Variants in TXNDC16 observed in about 807,000 individuals in gnomAD.
TXNDC16 encodes thioredoxin domain containing 16.
In TXNDC16, 74 loss-of-function variants were observed where a neutral mutation model predicts 85.6. The ratio of observed to expected loss-of-function variants is 0.86; its 90% confidence interval spans 0.72 to 1.05. The LOEUF (loss-of-function observed/expected upper bound fraction) is 1.05, where lower values mean the gene tolerates loss of function less well. Ranked by LOEUF, TXNDC16 falls within the 50% of genes least tolerant of loss-of-function variation. The pLI is 0.00. For missense variants in TXNDC16, 959 were observed against 947.0 expected (o/e 1.01, Z -0.17); for synonymous variants, 335 against 326.5 (o/e 1.03, Z -0.28).
intron 6 of TXNDC16, among the ~76,000 whole-genome samples, chr14:52,530,985 A>T (rs1031533039): frequency 6.6e-6 from 1 of 152,038 alleles, no homozygotes; most frequent in Non-Finnish European, 1.5e-5. Flanking sequence ...TACAAAACTC[A>T]ACAAGAAAAC....
rs2140132339 is a variant in TXNDC16 at position 52,470,699 on chromosome 14, C to A, written c.1313-19G>T. The A allele has an allele frequency of 6.3e-7, 1 of 1,581,874 alleles. No homozygotes were observed. Among genetic ancestry groups the A allele is most frequent in the Non-Finnish European group, 8.6e-7 (1 of 1,165,618 alleles). On this transcript the variant is annotated intron_variant, in intron 14 of 20. Coordinates refer to ENST00000281741, the MANE Select transcript of TXNDC16 (RefSeq NM_020784.3). Reference sequence around the variant, plus strand: ...GATGTGCCTAAATAAAAGGAAAATGCACATTTGTAATTACTAATTGTAGAA... The same window carrying A: ...GATGTGCCTAAATAAAAGGAAAATGAACATTTGTAATTACTAATTGTAGAA...
At chr14:52,504,421 T>C (rs2036741061) in intron 9 of TXNDC16, among the ~76,000 whole-genome samples, 1 of 152,186 alleles carries the variant, frequency 6.6e-6, no homozygotes, top group African/African-American at 2.4e-5. Context: ...ATATTCAACA[T>C]TCTTAAAGAA....
In TXNDC16 at chr14:52,534,334, T is replaced by C. The variant is rs776791413; in HGVS notation, c.392+2385A>G. On this transcript the variant is annotated intron_variant, in intron 6 of 20. Transcript: ENST00000281741. ...TCCAACCTGTGGCTCATGGGCTGCA[T>C]GCAGCTCAGGACAGCTTTGAATATG... 3.2e-4 allele frequency among the ~76,000 whole-genome samples: 49 copies of C among 152,216 alleles called. 1 individual carries two copies. Among genetic ancestry groups the C allele is most frequent in the Admixed American group, 2.4e-3 (36 of 15,276 alleles).
At chr14:52,549,990 C>T (rs1439536480) in intron 1 of TXNDC16, among the ~76,000 whole-genome samples, 1 of 152,100 alleles carries the variant, frequency 6.6e-6, no homozygotes, top group African/African-American at 2.4e-5. Flanking sequence ...GGTCATCTGT[C>T]CTCTCAGAAC....
Position 52,432,556 on chromosome 14 carries a change from AG to A in TXNDC16, c.2225del (p.Pro742LeufsTer8). ...TACTTAGAAAATCATAAGCTGGAAGAGGAGGTTTCCATTCTTGAGCAGGTAA... is the reference window on the plus strand; with the variant it reads ...TACTTAGAAAATCATAAGCTGGAAGAGAGGTTTCCATTCTTGAGCAGGTAA... ...TILPAQEWKP[P>X]LPAYDFLSMI... On this transcript the variant is annotated frameshift_variant, in exon 21 of 21. Coordinates refer to ENST00000281741, the MANE Select transcript of TXNDC16 (RefSeq NM_020784.3). LOFTEE classifies it low-confidence loss of function (END_TRUNC). 2.5e-6 allele frequency: 4 copies of A among 1,611,590 alleles called. No individual in the cohort carries two copies. Among genetic ancestry groups the A allele is most frequent in the Non-Finnish European group, 3.4e-6 (4 of 1,179,146 alleles).
chr14:52,496,758 T>C (rs971059524), intron 9 of TXNDC16, among the ~76,000 whole-genome samples: 1 of 151,804 alleles, frequency 6.6e-6, no homozygotes, highest in Admixed American at 6.6e-5. Flanking sequence ...TACAGGTGCA[T>C]ACCATCATAC....
At chr14:52,439,106 T>G in intron 20 of TXNDC16, 98 bp downstream of exon 20, 1 of 1,276,884 alleles carries the variant, frequency 7.8e-7, no homozygotes, top group Non-Finnish European at 1.1e-6. Flanking sequence ...TACCAGCATT[T>G]TAATAACTCA....
chr14:52,535,781 T>C (rs2037685992), intron 6 of TXNDC16, among the ~76,000 whole-genome samples: 1 of 152,152 alleles, frequency 6.6e-6, no homozygotes, highest in African/African-American at 2.4e-5. Flanking sequence ...AAACTCTTTC[T>C]GTACTAACTG....
At chr14:52,441,622 A>G (rs953154055) in intron 18 of TXNDC16, among the ~76,000 whole-genome samples, 90 of 152,000 alleles carry the variant, frequency 5.9e-4, no homozygotes, top group African/African-American at 1.9e-3. Context: ...AAAAACCCAA[A>G]AAACAAAAAC....
chr14:52,543,287 C>A, intron 3 of TXNDC16, 111 bp downstream of exon 3: 2 of 1,181,004 alleles, frequency 1.7e-6, no homozygotes, highest in Non-Finnish European at 2.3e-6. Context: ...ATTATAGTAA[C>A]AGCTATATAG....
In TXNDC16 at chr14:52,459,380, T is replaced by C. The variant is rs187443550; in HGVS notation, c.1619-2206A>G. ...CTACCAAGACTGAACCAGGAAGAAA[T>C]TGATTCCCTGAACAGACCAGTAACA... On this transcript the variant is annotated intron_variant, in intron 16 of 20. Transcript: ENST00000281741. Among the ~76,000 whole-genome samples, 447 of 152,128 alleles carry C rather than the reference T, an allele frequency of 2.9e-3. 1 individual carries two copies. The highest frequency in any genetic ancestry group is 5.0e-3 in the Non-Finnish European group (338 of 68,006).
chr14:52,541,236 C>CAA lies in TXNDC16; in HGVS notation c.243+1133_243+1134dup, dbSNP rs5808678. Among the ~76,000 whole-genome samples, 172 of 142,384 alleles carry CAA rather than the reference C, an allele frequency of 1.2e-3. 1 individual carries two copies. The highest frequency in any genetic ancestry group is 3.7e-3 in the African/African-American group (144 of 39,094). The allele number at this position is 142,384 out of a possible 152,430, so 93.4% of individuals were successfully genotyped here. ...GGGCGACAAGAGCAAAACTCTGTCT[C>CAA]AAAAAAAAAAAAATCAGGAGTTTCA... is the stretch of plus-strand genomic sequence containing the variant. On this transcript the variant is annotated intron_variant, in intron 4 of 20. Transcript: ENST00000281741.
intron 8 of TXNDC16, among the ~76,000 whole-genome samples, chr14:52,512,960 C>T (rs1467627571): frequency 1.3e-5 from 2 of 152,046 alleles, no homozygotes; most frequent in Non-Finnish European, 2.9e-5. Context: ...TCTCTCATCT[C>T]TCTCACTTGC....
rs2034912722 is a variant in TXNDC16 at position 52,432,139 on chromosome 14, G to A, written c.*165C>T. Reference sequence around the variant, plus strand: ...ATTTTGCCCTGCTCACTTTTACTTTGTTTAATGTAGTTACTAGAAAATTTT... The same window carrying A: ...ATTTTGCCCTGCTCACTTTTACTTTATTTAATGTAGTTACTAGAAAATTTT... On this transcript the variant is annotated 3_prime_UTR_variant, in exon 21 of 21. Transcript: ENST00000281741. The A allele has an allele frequency of 5.2e-6, 3 of 573,384 alleles. No homozygotes were observed. The highest frequency in any genetic ancestry group is 8.2e-6 in the Non-Finnish European group (3 of 365,018). The allele number at this position is 573,384 out of a possible 1,614,324, so 35.5% of individuals were successfully genotyped here. A position where few individuals can be genotyped will look rare whatever the true frequency, so the allele number is the denominator to read the frequency against.
Position 52,543,636 on chromosome 14 carries a change from A to T in TXNDC16, c.-73-6T>A. On this transcript the variant is annotated splice_polypyrimidine_tract_variant and splice_region_variant and intron_variant, in intron 2 of 20. Transcript: ENST00000281741. ...TCTGTTTCCTAAGACAACACCTGGC[A>T]CAGAGAAGGTATTCAACAAGAGTTT... The T allele has an allele frequency of 6.7e-7, 1 of 1,483,290 alleles. No homozygotes were observed. The allele number at this position is 1,483,290 out of a possible 1,614,324, so 91.9% of individuals were successfully genotyped here. A position where few individuals can be genotyped will look rare whatever the true frequency, so the allele number is the denominator to read the frequency against.
At chr14:52,491,029 AAAG>A in intron 9 of TXNDC16, 24 bp from the exon 10 acceptor site, 1 of 1,561,552 alleles carries the variant, frequency 6.4e-7, no homozygotes, top group Non-Finnish European at 8.6e-7. Flanking sequence ...AAAAAAAAAA[AAAG>A]GTGTGATAAC....
At chr14:52,486,143 TTC>T (rs1211315655) in intron 12 of TXNDC16, among the ~76,000 whole-genome samples, 15 of 152,140 alleles carry the variant, frequency 9.9e-5, no homozygotes, top group African/African-American at 2.4e-4. Flanking sequence ...CCTGTCAGTC[TTC>T]TGTTTCTTTT....
chr14:52,495,895 C>T (rs2036520062), intron 9 of TXNDC16, among the ~76,000 whole-genome samples: 1 of 152,086 alleles, frequency 6.6e-6, no homozygotes, highest in Non-Finnish European at 1.5e-5. Flanking sequence ...CATGGTGGCT[C>T]ACGCCTGTAA....
chr14:52,493,204 TATATATATATATACAC>T (rs2036449207), intron 9 of TXNDC16, among the ~76,000 whole-genome samples: 3 of 108,178 alleles, frequency 2.8e-5, no homozygotes, highest in African/African-American at 1.2e-4. Flanking sequence ...TATATATATA[TATATATATATATACAC>T]ACACACACAC....
Sources: gnomAD v4.1 joint callset for allele counts (sites outside exome capture counted in the v4.1 genomes callset) on GRCh38, gnomAD v4.1.1 for gene constraint, MANE v1.5 for transcripts, NCBI Gene and HGNC (gene_info 2026-07-23, HGNC 2026-07-21) for gene names.